CTNND1: variants seen among roughly 807,000 people sequenced by gnomAD.
CTNND1 encodes catenin delta-1.
In CTNND1, 16 loss-of-function variants were observed where a neutral mutation model predicts 112.1. The observed-to-expected ratio is 0.14, with a 90% CI of 0.10 to 0.22. The LOEUF is 0.22. CTNND1 is among the 10% of genes least tolerant of loss of function. CTNND1 has a pLI of 1.00. For synonymous variants in CTNND1, 420 were observed against 446.5 expected, an observed-to-expected ratio of 0.94 and a Z score of 0.75; for missense variants, 1,008 against 1,257.0, an observed-to-expected ratio of 0.80 and a Z score of 3.00.
chr11:57,818,203 T>C lies in CTNND1; in HGVS notation c.*1895T>C, dbSNP rs543319855. The C allele has an allele frequency of 2.6e-5, 4 of 152,434 alleles. No homozygotes were observed. In the East Asian group the frequency reaches 7.8e-4, roughly 30 times the overall value. The allele number at this position is 152,434 out of a possible 1,614,324, so 9.4% of individuals were successfully genotyped here. A position where few individuals can be genotyped will look rare whatever the true frequency, so the allele number is the denominator to read the frequency against. On this transcript the variant is annotated 3_prime_UTR_variant, in exon 21 of 21. Transcript: ENST00000399050. ...TCTGCTCTTTTCCTGGTGCTCTTTT[T>C]TCTCGGTGGGGTGTGGGTAATAGAA...
At chr11:57,777,104 C>A (rs1416243761) in intron 1 of CTNND1, among the ~76,000 whole-genome samples, 2 of 152,144 alleles carry the variant, frequency 1.3e-5, no homozygotes, top group Non-Finnish European at 2.9e-5. Flanking sequence ...TGATACCATG[C>A]CAAGTAAGAG....
intron 4 of CTNND1, among the ~76,000 whole-genome samples, chr11:57,794,899 A>AAC (rs1336124841): frequency 6.6e-6 from 1 of 151,592 alleles, no homozygotes; most frequent in Non-Finnish European, 1.5e-5. Context: ...AAAAAAAAAA[A>AAC]CAAAGTTCTT....
intron 1 of CTNND1, among the ~76,000 whole-genome samples, chr11:57,779,749 A>G (rs1435043501): frequency 2.0e-5 from 3 of 152,184 alleles, no homozygotes; most frequent in Non-Finnish European, 4.4e-5. Context: ...GGGGGTGATC[A>G]GAGAATGTGA....
intron 6 of CTNND1, among the ~76,000 whole-genome samples, chr11:57,799,687 T>C (rs1414550365): frequency 6.6e-6 from 1 of 152,208 alleles, no homozygotes; most frequent in Non-Finnish European, 1.5e-5. Flanking sequence ...TGCCTTTGTA[T>C]AGAAAAGGAT....
In CTNND1 at chr11:57,816,719, G is replaced by GC. The variant is rs570671539; in HGVS notation, c.*411_*412insC. On this transcript the variant is annotated 3_prime_UTR_variant, in exon 21 of 21. Transcript: ENST00000399050. ...CTGTATATGCAATGTCCAGCAGTCT[G>GC]ATAAACTGACGATTCTTAATCAAGA... 284 of 179,552 alleles carry GC rather than the reference G, an allele frequency of 1.6e-3. 2 individuals are homozygous for GC. Among genetic ancestry groups the GC allele is most frequent in the South Asian group, 7.6e-3 (48 of 6,288 alleles). The allele number at this position is 179,552 out of a possible 1,614,324, so 11.1% of individuals were successfully genotyped here. A position where few individuals can be genotyped will look rare whatever the true frequency, so the allele number is the denominator to read the frequency against.
At chr11:57,778,420 G>A (rs1292743253) in intron 1 of CTNND1, among the ~76,000 whole-genome samples, 1 of 152,170 alleles carries the variant, frequency 6.6e-6, no homozygotes, top group East Asian at 1.9e-4. Context: ...TGAATTAACA[G>A]CATCAGTAGC....
chr11:57,806,473 C>G lies in CTNND1; in HGVS notation c.1889C>G (p.Ser630Cys). ...GATGCACTGGAAGATGAGTGGTTCT[C>G]CAGAGGTGAGTGGAGTCTTTTAAGG... is the stretch of plus-strand genomic sequence containing the variant. ...GAKKGKDEWF[S>C]RGKKPIEDPA... Residue 630 changes from serine (S) to cysteine (C), a missense_variant, in exon 11 of 21, where the codon TCC becomes TGC. Transcript: ENST00000399050. 1 of 1,603,340 alleles carries G rather than the reference C, an allele frequency of 6.2e-7. No individual in the cohort carries two copies. Among genetic ancestry groups the G allele is most frequent in the Non-Finnish European group, 8.5e-7 (1 of 1,174,328 alleles).
intron 1 of CTNND1, among the ~76,000 whole-genome samples, chr11:57,779,461 A>G (rs958110846): frequency 6.6e-6 from 1 of 152,066 alleles, no homozygotes; most frequent in Non-Finnish European, 1.5e-5. Flanking sequence ...TGTGGATTGG[A>G]TGGCTGAGTC....
chr11:57,813,077 TCTCAGTA>T (rs1210483926), intron 17 of CTNND1, among the ~76,000 whole-genome samples: 1 of 152,156 alleles, frequency 6.6e-6, no homozygotes, highest in Non-Finnish European at 1.5e-5. Context: ...ATGCTTATAA[TCTCAGTA>T]CTTTGGGAGA....
At chr11:57,792,166 G>A (rs2060819347) in intron 3 of CTNND1, among the ~76,000 whole-genome samples, 1 of 152,114 alleles carries the variant, frequency 6.6e-6, no homozygotes, top group Non-Finnish European at 1.5e-5. Flanking sequence ...TGCTCTTTTT[G>A]TTGGCTGTGT....
intron 17 of CTNND1, 163 bp from the exon 18 acceptor site, chr11:57,814,148 C>T (rs1002051746): frequency 5.0e-6 from 3 of 604,688 alleles, no homozygotes; most frequent in Non-Finnish European, 6.0e-6. Flanking sequence ...GACCTCATCT[C>T]TACAAAAAGC....
In CTNND1 at chr11:57,809,256, T is replaced by TA; in HGVS notation, c.2243-17dup. On this transcript the variant is annotated splice_polypyrimidine_tract_variant and intron_variant, in intron 14 of 20. Coordinates refer to ENST00000399050, the MANE Select transcript of CTNND1 (RefSeq NM_001085458.2). ...CCTGACTTGATCTTTTCTCCCTGCA[T>TA]ACATTCTTTCTTACTAGGTAAACAT... 1 of 1,596,978 alleles carries TA rather than the reference T, an allele frequency of 6.3e-7. No homozygotes were observed. Among genetic ancestry groups the TA allele is most frequent in the Non-Finnish European group, 8.6e-7 (1 of 1,165,780 alleles).
In CTNND1 at chr11:57,780,221, T is replaced by C. The variant is rs569750822; in HGVS notation, c.-213-8816T>C. Among the ~76,000 whole-genome samples, 213 of 152,032 alleles carry C rather than the reference T, an allele frequency of 1.4e-3. No homozygotes were observed. The Middle Eastern group carries it at 0.027, about 19-fold the overall frequency. On this transcript the variant is annotated intron_variant, in intron 1 of 20. Transcript: ENST00000399050. ...GGCACATGCCACCACCCCCAGCTAA[T>C]TTTTTGTATTTTTTGTAGAGATGGT... is the stretch of plus-strand genomic sequence containing the variant.
intron 1 of CTNND1, among the ~76,000 whole-genome samples, chr11:57,764,456 TA>T (rs1258416776): frequency 1.3e-5 from 2 of 152,168 alleles, no homozygotes; most frequent in Non-Finnish European, 2.9e-5. Flanking sequence ...TGGATGCAAA[TA>T]AATTAAGCAT....
chr11:57,816,302 G>A lies in CTNND1; in HGVS notation c.2901G>A (p.Lys967=). The change falls in exon 21 of 21, where the codon AAG becomes AAA. Residue 967 remains lysine (K), a synonymous_variant. Coordinates refer to ENST00000399050, the MANE Select transcript of CTNND1 (RefSeq NM_001085458.2). ...TTTCTCTTTTTTCTCCACAGCAGAA[G>A]ATTTAGCACCACTATCTCCGTTCCA... is the stretch of plus-strand genomic sequence containing the variant. The part of the protein sequence containing the change: ...GGQVSYPSMQ[K]I The A allele has an allele frequency of 1.9e-6, 3 of 1,613,614 alleles. No homozygotes were observed. The highest frequency in any genetic ancestry group is 2.2e-5 in the East Asian group (1 of 44,878).
rs978308593 is a variant in CTNND1 at position 57,789,150 on chromosome 11, TAAC to T, written c.-98_-96del. ...AAACCAATCAGTTGCGACCTTCTCT[TAAC>T]AGGTGTGTATGGAAATATGTTTATT... On this transcript the variant is annotated splice_region_variant and 5_prime_UTR_variant, in exon 2 of 21. Transcript: ENST00000399050. 3 of 1,515,510 alleles carry T rather than the reference TAAC, an allele frequency of 2.0e-6. No homozygotes were observed. The Admixed American group carries it at 6.1e-5, about 31-fold the overall frequency. 93.9% of individuals were successfully genotyped at this position (1,515,510 alleles called of 1,614,324 possible). A position where few individuals can be genotyped will look rare whatever the true frequency, so the allele number is the denominator to read the frequency against.
chr11:57,772,847 C>G (rs1049002295), intron 1 of CTNND1, among the ~76,000 whole-genome samples: 2 of 151,924 alleles, frequency 1.3e-5, no homozygotes, highest in African/African-American at 2.4e-5. Flanking sequence ...CTCCCTCTCC[C>G]TCTTTCTCTC....
At position 57,788,413 on chromosome 11, in the gene CTNND1, G is replaced by A. The variant is rs2060349693; in HGVS notation, c.-213-624G>A. On this transcript the variant is annotated intron_variant, in intron 1 of 20. Coordinates refer to ENST00000399050, the MANE Select transcript of CTNND1 (RefSeq NM_001085458.2). The surrounding 1 kb of genome is among the most constrained non-coding windows in gnomAD (Gnocchi z 4.1). ...CCACGTTCTTTAAACTTAGGGACTGGATTGATTCAGGAGTTTATTGGACAC... is the reference window on the plus strand; with the variant it reads ...CCACGTTCTTTAAACTTAGGGACTGAATTGATTCAGGAGTTTATTGGACAC... 6.6e-6 allele frequency among the ~76,000 whole-genome samples: 1 copy of A among 152,176 alleles called. No homozygotes were observed. Among genetic ancestry groups the A allele is most frequent in the African/African-American group, 2.4e-5 (1 of 41,446 alleles).
intron 2 of CTNND1, among the ~76,000 whole-genome samples, chr11:57,790,339 G>T (rs546899934): frequency 2.9e-4 from 44 of 151,464 alleles, no homozygotes; most frequent in African/African-American, 1.0e-3. Flanking sequence ...GCCTCGTAAA[G>T]TGCTGGGATT....
Sources: allele counts gnomAD v4.1 joint callset (sites outside exome capture counted in the v4.1 genomes callset), GRCh38; gene constraint gnomAD v4.1.1; non-coding constraint Gnocchi (gnomAD v3.1); transcripts MANE v1.5; gene names NCBI Gene and HGNC (gene_info 2026-07-23, HGNC 2026-07-21).